TNRC6B: variants seen among roughly 807,000 people sequenced by gnomAD.
TNRC6B encodes trinucleotide repeat containing adaptor 6B.
TNRC6B carries 52 observed loss-of-function variants against 203.6 expected under a neutral mutation model. The observed-to-expected ratio is 0.26, with a 90% confidence interval of 0.20 to 0.32. TNRC6B has a LOEUF of 0.32. Ranked by LOEUF, TNRC6B falls within the 10% of genes least tolerant of loss-of-function variation. The probability of loss-of-function intolerance (pLI) is 1.00; values close to 1 mark genes in which losing one functional copy is unlikely to be tolerated. For synonymous variants in TNRC6B, 838 were observed against 845.7 expected (o/e 0.99, Z 0.16); for missense variants, 1,923 against 2,286.2 (o/e 0.84, Z 3.24).
intron 1 of TNRC6B, among the ~76,000 whole-genome samples, chr22:40,184,313 G>C (rs558097350): frequency 1.1e-4 from 16 of 152,270 alleles, no homozygotes; most frequent in African/African-American, 3.4e-4. Context: ...GGTTAAAAAG[G>C]GTGGACACCT....
chr22:40,200,045 C>T (rs1255526661), intron 1 of TNRC6B, among the ~76,000 whole-genome samples: 1 of 151,846 alleles, frequency 6.6e-6, no homozygotes, highest in Non-Finnish European at 1.5e-5. Context: ...GTGATCCGCC[C>T]GACTCGGCCT....
Position 40,326,050 on chromosome 22 carries a change from C to CGT in TNRC6B, c.*2810_*2811dup, listed in dbSNP as rs908317217. Reference sequence around the variant, plus strand: ...TTTAAAAAAAAAAGACCAAAAAGTGCGTATATATATACATATAAATATATA... The same window carrying CGT: ...TTTAAAAAAAAAAGACCAAAAAGTGCGTGTATATATATACATATAAATATATA... On this transcript the variant is annotated 3_prime_UTR_variant, in exon 23 of 23. Transcript: ENST00000454349. The CGT allele has an allele frequency of 2.6e-5, 4 of 151,738 alleles. No homozygotes were observed. The highest frequency in any genetic ancestry group is 4.9e-5 in the African/African-American group (2 of 41,174). The allele number at this position is 151,738 out of a possible 1,614,324, so 9.4% of individuals were successfully genotyped here. A position where few individuals can be genotyped will look rare whatever the true frequency, so the allele number is the denominator to read the frequency against.
chr22:40,212,759 G>C (rs1029089460), intron 1 of TNRC6B, among the ~76,000 whole-genome samples: 1 of 151,858 alleles, frequency 6.6e-6, no homozygotes, highest in African/African-American at 2.4e-5. Context: ...AGCGATTCTC[G>C]TGCCTCAGCC....
intron 1 of TNRC6B, among the ~76,000 whole-genome samples, chr22:40,103,091 AAAT>A (rs2068253618): frequency 6.6e-6 from 1 of 151,114 alleles, no homozygotes; most frequent in African/African-American, 2.4e-5. Flanking sequence ...AAATAAATAA[AAAT>A]AAATAAATAA....
intron 5 of TNRC6B, among the ~76,000 whole-genome samples, chr22:40,267,541 C>A (rs2070498331): frequency 6.6e-6 from 1 of 152,110 alleles, no homozygotes; most frequent in Non-Finnish European, 1.5e-5. Context: ...TTAATGATTA[C>A]CTCTGGAATG....
At chr22:40,160,507 C>T (rs906193668) in intron 4 of TNRC6B, among the ~76,000 whole-genome samples, 2 of 150,172 alleles carry the variant, frequency 1.3e-5, no homozygotes, top group African/African-American at 4.9e-5. Context: ...ATTTTGGTGG[C>T]CCTCACTTCC....
Position 40,266,893 on chromosome 22 carries a change from A to G in TNRC6B, c.2663A>G (p.Asp888Gly), listed in dbSNP as rs2070489662. The change falls in exon 5 of 23, where the codon GAC becomes GGC. Residue 888 changes from aspartate to glycine, a missense_variant. Asp to Gly is a moderately conservative substitution (Grantham distance 94). This residue lies in a region of TNRC6B where 599 missense variants were observed against 656.5 expected (regional missense o/e 0.91). Coordinates refer to ENST00000454349, the MANE Select transcript of TNRC6B (RefSeq NM_001162501.2). ...PSPQSISRKM[D>G]IDDGTSAWGD... The stretch of plus-strand genomic sequence containing the variant: ...CCACAGTCAATTAGTCGGAAAATGG[A>G]CATTGATGATGGCACTTCAGCATGG... 1 of 1,613,996 alleles carries G rather than the reference A, an allele frequency of 6.2e-7. No individual in the cohort carries two copies. The highest frequency in any genetic ancestry group is 8.5e-7 in the Non-Finnish European group (1 of 1,179,886).
intron 1 of TNRC6B, among the ~76,000 whole-genome samples, chr22:40,064,120 C>T (rs2098723500): frequency 6.6e-6 from 1 of 152,166 alleles, no homozygotes; most frequent in South Asian, 2.1e-4. Context: ...ACTTGCTGAA[C>T]TCATTTATTA....
chr22:40,258,696 A>G (rs1232810158), intron 3 of TNRC6B, among the ~76,000 whole-genome samples: 1 of 152,074 alleles, frequency 6.6e-6, no homozygotes, highest in Admixed American at 6.6e-5. Flanking sequence ...AAAGTGGTTG[A>G]GGTGTGTTCC....
intron 2 of TNRC6B, among the ~76,000 whole-genome samples, chr22:40,248,937 G>T (rs1184880415): frequency 6.6e-6 from 1 of 152,194 alleles, no homozygotes; most frequent in Non-Finnish European, 1.5e-5. Flanking sequence ...AGAGCACAAA[G>T]CTTACCATGT....
In TNRC6B at chr22:40,315,255, T is replaced by C. The variant is rs200611709; in HGVS notation, c.4679-28T>C. ...AACAAAAGTGAACCGTCTAACCTTA[T>C]TCCTTCCTTAATTTTCTCTTCTTAC... On this transcript the variant is annotated intron_variant, in intron 19 of 22. Transcript: ENST00000454349. 2.7e-4 allele frequency: 432 copies of C among 1,590,664 alleles called. 2 individuals carry two copies. In the African/African-American group the frequency reaches 5.2e-3, roughly 19 times the overall value.
intron 2 of TNRC6B, chr22:40,117,178 A>C (rs1212590277): frequency 6.6e-6 from 1 of 152,566 alleles, no homozygotes; most frequent in East Asian, 1.9e-4. Context: ...AGTCTTCTTA[A>C]AAAGAAGAAA....
chr22:40,301,154 C>G lies in TNRC6B; in HGVS notation c.3941C>G (p.Ala1314Gly). 1 of 1,550,928 alleles carries G rather than the reference C, an allele frequency of 6.4e-7. No individual in the cohort carries two copies. Among genetic ancestry groups the G allele is most frequent in the Non-Finnish European group, 8.7e-7 (1 of 1,147,292 alleles). ...TCTGTCTCTCTTGGCCCTCAGCTGGCTCGAATGGTGAGTGCACTGCAGCAG... is the reference window on the plus strand; with the variant it reads ...TCTGTCTCTCTTGGCCCTCAGCTGGGTCGAATGGTGAGTGCACTGCAGCAG... ...AVRQQQEQQL[A>G]RMVSALQQQQ... is the part of the protein sequence containing the mutation. The change falls in exon 15 of 23, where the codon GCT becomes GGT. Residue 1314 changes from alanine to glycine, a missense_variant. This residue lies in a region of TNRC6B where 242 missense variants were observed against 399.5 expected (regional missense o/e 0.61). Coordinates refer to ENST00000454349, the MANE Select transcript of TNRC6B (RefSeq NM_001162501.2).
At chr22:40,109,684 A>G (rs2068316176) in intron 1 of TNRC6B, among the ~76,000 whole-genome samples, 1 of 152,226 alleles carries the variant, frequency 6.6e-6, no homozygotes, top group Non-Finnish European at 1.5e-5. Context: ...TCGTAAGTGT[A>G]AAGGGATCCT....
chr22:40,197,946 TA>T (rs2069362717), intron 1 of TNRC6B, among the ~76,000 whole-genome samples: 1 of 151,918 alleles, frequency 6.6e-6, no homozygotes, highest in Non-Finnish European at 1.5e-5. Context: ...ACAGATTAAC[TA>T]AAAAAGAAAA....
Position 40,280,030 on chromosome 22 carries a change from C to A in TNRC6B, c.3298C>A (p.Arg1100=). Reference sequence around the variant, plus strand: ...AGATAAAAAATTTGATGTGGACAAGCGAGCGATGAATCTCGGGGATTTTAA... The same window carrying A: ...AGATAAAAAATTTGATGTGGACAAGAGAGCGATGAATCTCGGGGATTTTAA... The part of the protein sequence containing the change: ...LSDKKFDVDK[R]AMNLGDFNDI... The change falls in exon 10 of 23, where the codon CGA becomes AGA. Residue 1100 remains arginine (R), a synonymous_variant. Transcript: ENST00000454349. 2 of 1,613,686 alleles carry A rather than the reference C, an allele frequency of 1.2e-6. No individual in the cohort carries two copies. The highest frequency in any genetic ancestry group is 1.7e-6 in the Non-Finnish European group (2 of 1,179,764).
intron 3 of TNRC6B, among the ~76,000 whole-genome samples, chr22:40,251,832 C>T (rs1288722588): frequency 6.6e-6 from 1 of 152,080 alleles, no homozygotes; most frequent in African/African-American, 2.4e-5. Flanking sequence ...ATGGGAATTA[C>T]AGCAGTTTGT....
chr22:40,165,699 G>A (rs890972482), intron 4 of TNRC6B, among the ~76,000 whole-genome samples: 5 of 152,184 alleles, frequency 3.3e-5, no homozygotes, highest in Admixed American at 6.5e-5. Flanking sequence ...TGGCGTAAGG[G>A]AAAGCAAACA....
At chr22:40,295,578 T>C (rs1426825967) in intron 12 of TNRC6B, among the ~76,000 whole-genome samples, 2 of 152,108 alleles carry the variant, frequency 1.3e-5, no homozygotes, top group African/African-American at 4.8e-5. Context: ...AATTTAACTC[T>C]GACCGTGATG....
Sources: allele counts gnomAD v4.1 joint callset (sites outside exome capture counted in the v4.1 genomes callset), GRCh38; gene constraint gnomAD v4.1.1; regional missense constraint gnomAD v4.1.1; transcripts MANE v1.5; gene names NCBI Gene and HGNC (gene_info 2026-07-23, HGNC 2026-07-21).